The following TPO variants were observed in gnomAD, a reference collection of about 807,000 sequenced individuals.
The protein encoded by TPO is thyroid peroxidase, also known as thyroid microsomal antigen.
A neutral mutation model predicts 96.9 loss-of-function variants in TPO; 78 were observed. That is an observed-to-expected ratio of 0.81 (90% CI 0.67 to 0.97). The LOEUF (loss-of-function observed/expected upper bound fraction) is 0.97. Ranked by LOEUF, TPO falls within the 50% of genes least tolerant of loss-of-function variation. TPO has a pLI of 0.00. For missense variants in TPO, 1,252 were observed against 1,274.8 expected (o/e 0.98, Z 0.27); for synonymous variants, 547 against 538.0 (o/e 1.02, Z -0.23).
intron 10 of TPO, among the ~76,000 whole-genome samples, chr2:1,490,040 G>A (rs9973690): frequency 0.063 from 2,178 of 34,346 alleles, 49 homozygotes; most frequent in African/African-American, 0.15. Flanking sequence ...AGGGGGAGTC[G>A]CGACACAGCA....
chr2:1,435,709 G>C (rs150455917), intron 4 of TPO, among the ~76,000 whole-genome samples: 2 of 152,208 alleles, frequency 1.3e-5, no homozygotes, highest in East Asian at 3.9e-4. Context: ...CTGGGTTCTC[G>C]TCTCATCTGG....
In TPO at chr2:1,540,968, G is replaced by A; in HGVS notation, c.2748+245G>A. 3 of 1,480,082 alleles carry A rather than the reference G, an allele frequency of 2.0e-6. No homozygotes were observed. In the South Asian group the frequency reaches 3.8e-5, roughly 19 times the overall value. 91.7% of individuals were successfully genotyped at this position (1,480,082 alleles called of 1,614,324 possible). On this transcript the variant is annotated intron_variant, in intron 16 of 16. Coordinates refer to ENST00000329066, the MANE Select transcript of TPO (RefSeq NM_001206744.2). ...GTACAAACCGGTTCCAAAACTAAGGGCTCACTTTCAGGCGTTTGCTTCCAC... is the reference window on the plus strand; with the variant it reads ...GTACAAACCGGTTCCAAAACTAAGGACTCACTTTCAGGCGTTTGCTTCCAC...
intron 9 of TPO, 107 bp downstream of exon 9, chr2:1,484,961 G>T: frequency 6.6e-7 from 1 of 1,514,096 alleles, no homozygotes; most frequent in Admixed American, 1.9e-5. Context: ...CAACGTGCAG[G>T]TTTGTTACGT....
intron 2 of TPO, among the ~76,000 whole-genome samples, chr2:1,416,355 A>G (rs1314513829): frequency 6.6e-6 from 1 of 152,228 alleles, no homozygotes; most frequent in Non-Finnish European, 1.5e-5. Context: ...GTATAAAACC[A>G]GAGTAAAACA....
intron 16 of TPO, chr2:1,541,286 C>G: frequency 1.2e-6 from 1 of 849,826 alleles, no homozygotes; most frequent in Non-Finnish European, 1.5e-6. Flanking sequence ...GAGGAGGGCG[C>G]CTCAGGTCTG....
In TPO at chr2:1,467,556, G is replaced by T. The variant is rs1220209326; in HGVS notation, c.820-9530G>T. On this transcript the variant is annotated intron_variant, in intron 7 of 16. Coordinates refer to ENST00000329066, the MANE Select transcript of TPO (RefSeq NM_001206744.2). ...TTCACTGTGGTCTGAGAGAGTGCTT[G>T]ATATAATTTCAATTTTCTTAAATTT... Among the ~76,000 whole-genome samples the T allele has an allele frequency of 2.0e-5, 3 of 152,144 alleles. No individual in the cohort carries two copies. In the East Asian group the frequency reaches 5.8e-4, roughly 29 times the overall value.
In TPO at chr2:1,508,257, C is replaced by G. The variant is rs191081429; in HGVS notation, c.2518+4178C>G. ...AGCCCACTTGATCATGGTGGATAAGCTTTTTCATTTGCTGCTGGATTCGGT... is the reference window on the plus strand; with the variant it reads ...AGCCCACTTGATCATGGTGGATAAGGTTTTTCATTTGCTGCTGGATTCGGT... On this transcript the variant is annotated intron_variant, in intron 14 of 16. Transcript: ENST00000329066. Among the ~76,000 whole-genome samples, 4 of 152,182 alleles carry G rather than the reference C, an allele frequency of 2.6e-5. No homozygotes were observed. In the East Asian group the frequency reaches 5.8e-4, roughly 22 times the overall value.
Position 1,542,535 on chromosome 2 carries a change from T to C in TPO, c.*61T>C. ...GTTCCCAAAATCACCGTACGACTCT[T>C]TTCCAAACACAGGCAAATCCGAAAT... On this transcript the variant is annotated 3_prime_UTR_variant, in exon 17 of 17. Transcript: ENST00000329066. 6.2e-7 allele frequency: 1 copy of C among 1,609,486 alleles called. No individual in the cohort carries two copies. Among genetic ancestry groups the C allele is most frequent in the South Asian group, 1.1e-5 (1 of 90,000 alleles).
intron 15 of TPO, among the ~76,000 whole-genome samples, chr2:1,531,286 A>T (rs1432719793): frequency 1.5e-5 from 1 of 67,786 alleles, no homozygotes; most frequent in African/African-American, 6.1e-5. Context: ...AATCCCCCCT[A>T]ATGTCAGCAA....
At chr2:1,460,214 G>C (rs1336989732) in intron 7 of TPO, among the ~76,000 whole-genome samples, 2 of 152,118 alleles carry the variant, frequency 1.3e-5, no homozygotes, top group Admixed American at 6.6e-5. Context: ...GGGATTACAG[G>C]TATGAGCCAC....
At chr2:1,454,896 C>T (rs1667648779) in intron 6 of TPO, among the ~76,000 whole-genome samples, 1 of 152,196 alleles carries the variant, frequency 6.6e-6, no homozygotes, top group South Asian at 2.1e-4. Context: ...CAAATTGCTC[C>T]AAATTTAGTG....
intron 1 of TPO, among the ~76,000 whole-genome samples, chr2:1,396,795 T>C (rs12328062): frequency 0.56 from 85,034 of 151,950 alleles, 24,044 homozygotes; most frequent in South Asian, 0.64. Flanking sequence ...TTGCAAGCTA[T>C]GTGTGGGCAA....
At chr2:1,399,871 C>A (rs776444672) in intron 1 of TPO, among the ~76,000 whole-genome samples, 1 of 152,318 alleles carries the variant, frequency 6.6e-6, no homozygotes. Flanking sequence ...CAGGAAAATC[C>A]TTACATGGAA....
At chr2:1,423,019 T>C (rs762590983) in intron 2 of TPO, 26 bp from the exon 3 acceptor site, 1 of 1,611,058 alleles carries the variant, frequency 6.2e-7, no homozygotes, top group South Asian at 1.1e-5. Flanking sequence ...CATTGCGCTT[T>C]GACTGTGTGA....
intron 1 of TPO, among the ~76,000 whole-genome samples, chr2:1,400,221 G>A (rs1015312076): frequency 1.3e-5 from 2 of 152,162 alleles, no homozygotes; most frequent in South Asian, 2.1e-4. Context: ...GGCCAGCTGC[G>A]GTGGCTCACG....
intron 14 of TPO, among the ~76,000 whole-genome samples, chr2:1,512,892 G>T (rs879342204): frequency 6.6e-6 from 1 of 152,184 alleles, no homozygotes; most frequent in African/African-American, 2.4e-5. Flanking sequence ...TGATTATACT[G>T]CTGCCCCTGC....
chr2:1,377,640 C>T (rs536329035), intron 1 of TPO, among the ~76,000 whole-genome samples: 2 of 152,300 alleles, frequency 1.3e-5, no homozygotes, highest in East Asian at 1.9e-4. Context: ...TCAGAACCCA[C>T]CAAATTCATG....
chr2:1,446,985 G>GGT (rs895441808), intron 5 of TPO, among the ~76,000 whole-genome samples: 25 of 151,462 alleles, frequency 1.7e-4, no homozygotes, highest in African/African-American at 5.3e-4. Context: ...AACCATGAGG[G>GGT]GTGTGTGTGT....
intron 1 of TPO, among the ~76,000 whole-genome samples, chr2:1,405,451 C>CTA (rs1044778364): frequency 2.0e-5 from 3 of 151,888 alleles, no homozygotes; most frequent in Admixed American, 2.0e-4. Flanking sequence ...ATCTACTCAT[C>CTA]TATCCATCCA....
Sources: gnomAD v4.1 joint callset for allele counts (sites outside exome capture counted in the v4.1 genomes callset) on GRCh38, gnomAD v4.1.1 for gene constraint, MANE v1.5 for transcripts, NCBI Gene and HGNC (gene_info 2026-07-23, HGNC 2026-07-21) for gene names.